The following GARNL3 variants were observed in gnomAD, a reference collection of about 807,000 sequenced individuals.
GARNL3 encodes GTPase activating Rap/RanGAP domain like 3, also known as GTPase-activating Rap/Ran-GAP domain-like protein 3.
Under a neutral mutation model 125.0 loss-of-function variants are expected in GARNL3, and 63 were observed. The ratio of observed to expected loss-of-function variants is 0.50; its 90% CI spans 0.41 to 0.62. The LOEUF (loss-of-function observed/expected upper bound fraction) is 0.62, where lower values mean the gene tolerates loss of function less well. GARNL3 is among the 20% of genes least tolerant of loss of function. The pLI is 0.00. For synonymous variants in GARNL3, 439 were observed against 457.5 expected (o/e 0.96, Z 0.52); for missense variants, 994 against 1,244.0 (o/e 0.80, Z 3.02).
rs1028930116 is a variant in GARNL3, at chr9:127,278,742, A to C, written c.145-12426A>C. Among the ~76,000 whole-genome samples the C allele has an allele frequency of 3.3e-5, 5 of 152,298 alleles. No homozygotes were observed. In the South Asian group the frequency reaches 1.0e-3, roughly 32 times the overall value. ...TACAGTTCTGGAGGCTAACAGTTCA[A>C]AATCAAGATGTAGCAGGGCCATCCT... On this transcript the variant is annotated intron_variant, in intron 1 of 27. Transcript: ENST00000373387.
intron 24 of GARNL3, among the ~76,000 whole-genome samples, chr9:127,386,049 T>C (rs1333081702): frequency 6.6e-6 from 1 of 152,250 alleles, no homozygotes; most frequent in East Asian, 1.9e-4. Flanking sequence ...CAATGCTGTT[T>C]ATCATAAAAA....
chr9:127,230,992 GTA>G (rs1564835014), intron 1 of GARNL3, among the ~76,000 whole-genome samples: 7 of 130,976 alleles, frequency 5.3e-5, no homozygotes, highest in Non-Finnish European at 6.3e-5. Context: ...ACACATATAT[GTA>G]TATATACACA....
At chr9:127,257,020 T>TA (rs1419955999) in intron 2 of GARNL3, among the ~76,000 whole-genome samples, 1 of 152,236 alleles carries the variant, frequency 6.6e-6, no homozygotes, top group Non-Finnish European at 1.5e-5. Flanking sequence ...GAATGAATCA[T>TA]ACAATTTGTA....
intron 7 of GARNL3, among the ~76,000 whole-genome samples, chr9:127,327,240 C>T (rs1241658540): frequency 6.6e-6 from 1 of 152,196 alleles, no homozygotes; most frequent in Non-Finnish European, 1.5e-5. Flanking sequence ...AGAAAGGTCC[C>T]TTCTTCACGG....
Position 127,242,737 on chromosome 9 carries a change from T to C in GARNL3, c.-28-342T>C, listed in dbSNP as rs2063225331. On this transcript the variant is annotated intron_variant, in intron 1 of 10. Transcript: ENST00000439286. This position sits in a 1 kb window ranked among gnomAD's most constrained non-coding sequence, Gnocchi z 4.6. Reference sequence around the variant, plus strand: ...TACCACCGGTGATTCTCCAGAAGCATTCTAGACATAGCTTCCCTTACCAAA... The same window carrying C: ...TACCACCGGTGATTCTCCAGAAGCACTCTAGACATAGCTTCCCTTACCAAA... Among the ~76,000 whole-genome samples the C allele has an allele frequency of 1.3e-5, 2 of 152,186 alleles. No individual in the cohort carries two copies. The highest frequency in any genetic ancestry group is 2.9e-5 in the Non-Finnish European group (2 of 68,020).
intron 27 of GARNL3, among the ~76,000 whole-genome samples, chr9:127,391,552 A>ATATATATATATATATATATATATG (rs1292380673): frequency 1.2e-4 from 15 of 128,962 alleles, no homozygotes; most frequent in African/African-American, 4.0e-4. Flanking sequence ...ATATATATAT[A>ATATATATATATATATATATATATG]GGCTGGGTCT....
Position 127,373,078 on chromosome 9 carries a change from A to G in GARNL3, c.2161+7712A>G, listed in dbSNP as rs141335463. Among the ~76,000 whole-genome samples, 63 of 152,392 alleles carry G rather than the reference A, an allele frequency of 4.1e-4. 4 individuals carry two copies. In the East Asian group the frequency reaches 0.012, roughly 28 times the overall value. ...AGAGAAGAAATATTCAGGCTAAAAC[A>G]AAACTTCCTACTTTCTTAGAACAAA... On this transcript the variant is annotated intron_variant, in intron 22 of 27. Transcript: ENST00000373387.
intron 2 of GARNL3, among the ~76,000 whole-genome samples, chr9:127,309,851 C>G (rs1388387058): frequency 1.3e-5 from 2 of 152,174 alleles, no homozygotes; most frequent in East Asian, 3.8e-4. Context: ...CCACAGACAT[C>G]TAGTAAATCG....
chr9:127,270,273 T>C (rs1173901693), intron 1 of GARNL3, among the ~76,000 whole-genome samples: 1 of 152,220 alleles, frequency 6.6e-6, no homozygotes, highest in Non-Finnish European at 1.5e-5. Context: ...TTCTGTCTCA[T>C]TGGTCCATAT....
rs192528579 is a variant in GARNL3, at chr9:127,386,683, G to T, written c.2389-510G>T. Among the ~76,000 whole-genome samples the T allele has an allele frequency of 5.9e-3, 894 of 152,362 alleles. 13 individuals are homozygous for T. Among genetic ancestry groups the T allele is most frequent in the African/African-American group, 0.021 (860 of 41,578 alleles). ...TCTAATCATGTGTGTTTAACAGCCA[G>T]TTTGCAAAATTCCTGAAAATTGGAT... On this transcript the variant is annotated intron_variant, in intron 24 of 27. Transcript: ENST00000373387.
chr9:127,321,591 A>T (rs1588850761), intron 6 of GARNL3, among the ~76,000 whole-genome samples: 1 of 152,334 alleles, frequency 6.6e-6, no homozygotes, highest in Non-Finnish European at 1.5e-5. Context: ...TAGGAGAGAA[A>T]AAAATTTAGT....
chr9:127,313,220 T>C (rs1462475971), intron 3 of GARNL3: 2 of 527,062 alleles, frequency 3.8e-6, no homozygotes, highest in South Asian at 4.5e-5. Context: ...CCAGTCTCAT[T>C]GGCCAGAATT....
chr9:127,388,931 A>G lies in GARNL3; in HGVS notation c.2555A>G (p.Lys852Arg), dbSNP rs760997536. 6.2e-6 allele frequency: 10 copies of G among 1,611,124 alleles called. No homozygotes were observed. Among genetic ancestry groups the G allele is most frequent in the Non-Finnish European group, 8.5e-6 (10 of 1,177,274 alleles). Residue 852 changes from lysine to arginine, a missense_variant, in exon 26 of 28, where the codon AAG becomes AGG. Physicochemically the swap from Lys to Arg is conservative, Grantham distance 26 (BLOSUM62 2). Coordinates refer to ENST00000373387, the MANE Select transcript of GARNL3 (RefSeq NM_032293.5). ...EGEIQSKNLY[K>R]IPLRNLVGRS... ...GAAATTCAATCAAAAAATCTGTACA[A>G]GATTCCACTTAGAAACCTCGTGGGC...
At chr9:127,355,202 A>C (rs1830622149) in intron 19 of GARNL3, 95 bp from the exon 20 acceptor site, 1 of 954,984 alleles carries the variant, frequency 1.0e-6, no homozygotes, top group African/African-American at 1.6e-5. Flanking sequence ...GTTATGCTTA[A>C]TTTCCAGGGT....
chr9:127,337,434 G>A (rs1829616660), intron 11 of GARNL3, among the ~76,000 whole-genome samples: 1 of 152,140 alleles, frequency 6.6e-6, no homozygotes, highest in Non-Finnish European at 1.5e-5. Flanking sequence ...ATTCATTCCA[G>A]GGAGCCTAGA....
At chr9:127,380,882 A>T (rs904372442) in intron 22 of GARNL3, among the ~76,000 whole-genome samples, 1 of 152,054 alleles carries the variant, frequency 6.6e-6, no homozygotes, top group African/African-American at 2.4e-5. Context: ...TGAATTGTAC[A>T]TTTTATTTTA....
chr9:127,367,923 T>C (rs1451315577), intron 22 of GARNL3, among the ~76,000 whole-genome samples: 2 of 151,952 alleles, frequency 1.3e-5, no homozygotes, highest in Non-Finnish European at 2.9e-5. Flanking sequence ...TTGCCTGACA[T>C]GACAGGATTT....
chr9:127,339,351 G>A (rs1304307089), intron 12 of GARNL3, among the ~76,000 whole-genome samples: 1 of 152,102 alleles, frequency 6.6e-6, no homozygotes, highest in Non-Finnish European at 1.5e-5. Context: ...GGCTGGGGAG[G>A]CCTCAGAATT....
chr9:127,377,956 A>T (rs1275389770), intron 22 of GARNL3, among the ~76,000 whole-genome samples: 1 of 151,702 alleles, frequency 6.6e-6, no homozygotes, highest in Non-Finnish European at 1.5e-5. Flanking sequence ...TATCATTAGT[A>T]TAGGCTGGGC....
Sources: gnomAD v4.1 joint callset for allele counts (sites outside exome capture counted in the v4.1 genomes callset) on GRCh38, gnomAD v4.1.1 for gene constraint, Gnocchi (gnomAD v3.1) non-coding constraint, MANE v1.5 for transcripts, NCBI Gene and HGNC (gene_info 2026-07-23, HGNC 2026-07-21) for gene names.